The following CHD6 variants were observed in gnomAD, a reference collection of about 807,000 sequenced individuals.
CHD6 encodes the protein ATP-dependent chromatin remodeler CHD6.
A neutral mutation model predicts 276.9 loss-of-function variants in CHD6; 50 were observed. That is an observed-to-expected ratio of 0.18 (90% CI 0.14 to 0.23). The LOEUF is 0.23. Among genes scored for constraint, CHD6 ranks in the 10% least tolerant of loss-of-function variants. The pLI, the probability that CHD6 is intolerant of heterozygous loss-of-function variation, is 1.00. For synonymous variants in CHD6, 1,173 were observed against 1,229.3 expected (o/e 0.95, Z 0.96); for missense variants, 2,564 against 3,365.8 (o/e 0.76, Z 5.89).
intron 2 of CHD6, among the ~76,000 whole-genome samples, chr20:41,548,835 T>C (rs62208539): frequency 6.6e-6 from 1 of 151,436 alleles, no homozygotes; most frequent in African/African-American, 2.4e-5. Context: ...AGGCAAAGGA[T>C]ATGAACAGAC....
chr20:41,608,297 C>T (rs1054698761), intron 1 of CHD6, among the ~76,000 whole-genome samples: 1 of 152,130 alleles, frequency 6.6e-6, no homozygotes, highest in Admixed American at 6.5e-5. Context: ...AATAGTACAA[C>T]AAGCATTTTA....
At chr20:41,415,070 C>G (rs2046951610) in intron 34 of CHD6, 116 bp downstream of exon 34, 1 of 1,482,898 alleles carries the variant, frequency 6.7e-7, no homozygotes, top group African/African-American at 1.4e-5. Context: ...GAAAATAAAG[C>G]AGGACAACCG....
chr20:41,408,695 G>A (rs144619545), intron 36 of CHD6, among the ~76,000 whole-genome samples: 3 of 152,182 alleles, frequency 2.0e-5, no homozygotes, highest in Non-Finnish European at 4.4e-5. Context: ...AGATACTGGG[G>A]AGTGTCTTTC....
chr20:41,437,227 T>C (rs1475866050), intron 27 of CHD6, 47 bp downstream of exon 27: 1 of 1,420,422 alleles, frequency 7.0e-7, no homozygotes, highest in East Asian at 2.3e-5. Context: ...ATTTCTTTCT[T>C]AATATGAAAG....
chr20:41,487,834 GA>G (rs1431104034), intron 13 of CHD6, 26 bp from the exon 14 acceptor site: 1 of 1,602,592 alleles, frequency 6.2e-7, no homozygotes. Flanking sequence ...ATACATGATG[GA>G]CAGTGCTTGA....
intron 2 of CHD6, among the ~76,000 whole-genome samples, chr20:41,534,354 G>A (rs1266052961): frequency 2.6e-5 from 4 of 152,216 alleles, no homozygotes; most frequent in African/African-American, 9.6e-5. Context: ...CCTGGCATGT[G>A]CTAAAGGGCA....
intron 18 of CHD6, among the ~76,000 whole-genome samples, chr20:41,456,623 C>T (rs2145689566): frequency 6.6e-6 from 1 of 152,244 alleles, no homozygotes; most frequent in Middle Eastern, 3.4e-3. Flanking sequence ...GGATATGGAA[C>T]ATCTGGACTA....
At position 41,551,341 on chromosome 20, in the gene CHD6, T is replaced by C. The variant is rs1422853317; in HGVS notation, c.-4A>G. 21 of 1,427,346 alleles carry C rather than the reference T, an allele frequency of 1.5e-5. No individual in the cohort carries two copies. The highest frequency in any genetic ancestry group is 2.1e-5 in the Non-Finnish European group (21 of 1,019,438). The allele number at this position is 1,427,346 out of a possible 1,614,324, so 88.4% of individuals were successfully genotyped here. ...TTTTCTGTATTTTCATTTTCATCTA[T>C]TGAAGGAAGATATTTATTTCTGTAA... On this transcript the variant is annotated 5_prime_UTR_variant, in exon 2 of 37. Coordinates refer to ENST00000373233, the MANE Select transcript of CHD6 (RefSeq NM_032221.5).
In CHD6 at chr20:41,551,227, C is replaced by CA. The variant is rs2045141006; in HGVS notation, c.33+77dup. On this transcript the variant is annotated intron_variant, in intron 2 of 36. Coordinates refer to ENST00000373233, the MANE Select transcript of CHD6 (RefSeq NM_032221.5). ...TACCAGAGATTAAGGGATAAGCCAA[C>CA]ACTGCCAGTGTCTCCCCTTGTTGAA... The CA allele has an allele frequency of 2.2e-5, 20 of 922,696 alleles. 2 individuals carry two copies. The South Asian group carries it at 2.7e-4, about 12-fold the overall frequency. 57.2% of individuals were successfully genotyped at this position (922,696 alleles called of 1,614,324 possible). A position where few individuals can be genotyped will look rare whatever the true frequency, so the allele number is the denominator to read the frequency against.
intron 36 of CHD6, among the ~76,000 whole-genome samples, chr20:41,407,087 G>A (rs1350930899): frequency 1.3e-5 from 2 of 152,244 alleles, no homozygotes; most frequent in African/African-American, 4.8e-5. Flanking sequence ...AGGCCGGAAT[G>A]CGCAGCCTAC....
chr20:41,527,739 A>G (rs1369210693), intron 3 of CHD6, among the ~76,000 whole-genome samples: 3 of 152,180 alleles, frequency 2.0e-5, no homozygotes, highest in Non-Finnish European at 4.4e-5. Context: ...TTCTTGCTAT[A>G]ATCTGAATTT....
chr20:41,545,448 T>C (rs1165057862), intron 2 of CHD6, among the ~76,000 whole-genome samples: 1 of 152,162 alleles, frequency 6.6e-6, no homozygotes, highest in Non-Finnish European at 1.5e-5. Flanking sequence ...TTTAAGTCCT[T>C]TTGAAACATG....
intron 4 of CHD6, 53 bp from the exon 5 acceptor site, chr20:41,513,048 C>A: frequency 1.9e-6 from 3 of 1,600,612 alleles, no homozygotes; most frequent in Non-Finnish European, 2.6e-6. Flanking sequence ...AGACAACAGC[C>A]TACACAAGAA....
chr20:41,467,037 C>T (rs181857414), intron 17 of CHD6, among the ~76,000 whole-genome samples: 293 of 152,254 alleles, frequency 1.9e-3, no homozygotes, highest in African/African-American at 6.6e-3. Context: ...CAGGAGGAAC[C>T]CGGGACTCCG....
intron 8 of CHD6, 92 bp from the exon 9 acceptor site, chr20:41,494,036 G>C (rs1021354127): frequency 7.4e-6 from 6 of 815,826 alleles, no homozygotes; most frequent in Non-Finnish European, 1.2e-5. Flanking sequence ...CCCTACTCTA[G>C]GCCCTATCAA....
intron 25 of CHD6, 102 bp downstream of exon 25, chr20:41,445,558 GAATGA>G (rs1270939184): frequency 3.0e-6 from 2 of 677,732 alleles, no homozygotes; most frequent in Admixed American, 4.8e-5. Context: ...ATGTGTAACA[GAATGA>G]TAGAGTTTTG....
intron 5 of CHD6, among the ~76,000 whole-genome samples, chr20:41,507,324 G>A (rs888322488): frequency 2.6e-5 from 4 of 151,778 alleles, no homozygotes; most frequent in African/African-American, 4.8e-5. Flanking sequence ...AGAAGTCAGG[G>A]TTTAAACACT....
chr20:41,565,799 G>A (rs2045349179), intron 1 of CHD6, among the ~76,000 whole-genome samples: 1 of 152,104 alleles, frequency 6.6e-6, no homozygotes, highest in Admixed American at 6.5e-5. Context: ...AGGTTGGAAA[G>A]GTATTCTACA....
intron 16 of CHD6, among the ~76,000 whole-genome samples, chr20:41,482,760 GAATGTAACTTAGATTC>G (rs2043324232): frequency 6.6e-6 from 1 of 152,132 alleles, no homozygotes; most frequent in Admixed American, 6.6e-5. Context: ...CTTGCATGAG[GAATGTAACTTAGATTC>G]AAGGAATTCT....
Sources: allele counts gnomAD v4.1 joint callset (sites outside exome capture counted in the v4.1 genomes callset), GRCh38; gene constraint gnomAD v4.1.1; transcripts MANE v1.5; gene names NCBI Gene and HGNC (gene_info 2026-07-23, HGNC 2026-07-21).